The following CSMD1 variants were observed in gnomAD, a reference collection of about 807,000 sequenced individuals.
CSMD1 encodes CUB and sushi domain-containing protein 1.
CSMD1 carries 213 observed loss-of-function variants against 417.5 expected under a neutral mutation model. That is an observed-to-expected ratio of 0.51 (90% CI 0.46 to 0.57). The LOEUF is 0.57. CSMD1 is among the 20% of genes least tolerant of loss of function. CSMD1 has a pLI of 0.00. For synonymous variants in CSMD1, 2,862 were observed against 1,736.8 expected, an observed-to-expected ratio of 1.65 and a Z score of -16.11; for missense variants, 6,923 against 4,529.7, an observed-to-expected ratio of 1.53 and a Z score of -15.17.
intron 3 of CSMD1, among the ~76,000 whole-genome samples, chr8:4,197,977 A>C (rs534629055): frequency 9.2e-5 from 14 of 152,216 alleles, no homozygotes; most frequent in Non-Finnish European, 1.9e-4. Context: ...CTCTGGGAAT[A>C]AAGTAATGAA....
At chr8:4,933,237 T>C (rs1413518535) in intron 1 of CSMD1, among the ~76,000 whole-genome samples, 2 of 152,132 alleles carry the variant, frequency 1.3e-5, no homozygotes, top group South Asian at 2.1e-4. Context: ...CCACTAAGTA[T>C]GATATGACGG....
At chr8:4,824,484 A>G (rs1799702075) in intron 1 of CSMD1, among the ~76,000 whole-genome samples, 1 of 152,134 alleles carries the variant, frequency 6.6e-6, no homozygotes, top group Admixed American at 6.6e-5. Context: ...AAAGAAATAG[A>G]ATGGTTTTTA....
intron 1 of CSMD1, chr8:4,788,263 G>T (rs1028818126): frequency 1.3e-6 from 2 of 1,589,088 alleles, no homozygotes; most frequent in African/African-American, 2.7e-5. Context: ...GAGTATGAAA[G>T]GGATGGCATT....
chr8:3,160,964 C>T (rs187269057), intron 38 of CSMD1, among the ~76,000 whole-genome samples: 255 of 152,260 alleles, frequency 1.7e-3, no homozygotes, highest in African/African-American at 5.8e-3. Flanking sequence ...TGTTATTTCA[C>T]GGCTGTAGTG....
chr8:3,961,537 A>G (rs1010632444), intron 5 of CSMD1, among the ~76,000 whole-genome samples: 7 of 152,214 alleles, frequency 4.6e-5, no homozygotes, highest in African/African-American at 1.4e-4. Context: ...AGACAATAGG[A>G]AATCTATCCT....
intron 3 of CSMD1, among the ~76,000 whole-genome samples, chr8:4,150,933 C>T (rs1412079685): frequency 2.0e-5 from 3 of 152,190 alleles, no homozygotes; most frequent in African/African-American, 4.8e-5. Context: ...GCTTTAATTA[C>T]AGTCTGCAAC....
intron 1 of CSMD1, among the ~76,000 whole-genome samples, chr8:4,831,084 G>C (rs1165608349): frequency 6.6e-6 from 1 of 152,150 alleles, no homozygotes; most frequent in Non-Finnish European, 1.5e-5. Context: ...AAGTGGGAGG[G>C]ATGTTTTTTC....
At chr8:4,833,362 A>C (rs570800479) in intron 1 of CSMD1, among the ~76,000 whole-genome samples, 1 of 152,144 alleles carries the variant, frequency 6.6e-6, no homozygotes, top group South Asian at 2.1e-4. Context: ...GAAGTGCTAC[A>C]CACTTTCAGA....
intron 3 of CSMD1, among the ~76,000 whole-genome samples, chr8:4,101,338 A>C (rs1242673014): frequency 2.6e-5 from 4 of 152,146 alleles, no homozygotes; most frequent in Non-Finnish European, 5.9e-5. Flanking sequence ...AGACAGTGCA[A>C]ATGGGCAGCC....
chr8:4,562,191 G>C (rs1008652100), intron 2 of CSMD1, among the ~76,000 whole-genome samples: 4 of 152,308 alleles, frequency 2.6e-5, no homozygotes, highest in South Asian at 2.1e-4. Flanking sequence ...GAAGAAACTA[G>C]AAACAGACAC....
chr8:3,260,067 G>T (rs187182386), intron 26 of CSMD1, among the ~76,000 whole-genome samples: 278 of 152,182 alleles, frequency 1.8e-3, no homozygotes, highest in Non-Finnish European at 3.7e-3. Flanking sequence ...CTATAATTAT[G>T]AAATAATTTT....
intron 2 of CSMD1, among the ~76,000 whole-genome samples, chr8:4,462,979 G>A (rs1198290829): frequency 6.6e-6 from 1 of 152,120 alleles, no homozygotes; most frequent in African/African-American, 2.4e-5. Context: ...TTTAAACTTT[G>A]TATTTCAAAA....
chr8:3,331,381 C>T (rs1443613266), intron 23 of CSMD1, among the ~76,000 whole-genome samples: 2 of 152,122 alleles, frequency 1.3e-5, no homozygotes, highest in Non-Finnish European at 2.9e-5. Flanking sequence ...TGTTTGCTAA[C>T]AGTGGCCATG....
intron 11 of CSMD1, among the ~76,000 whole-genome samples, chr8:3,476,437 C>T (rs1462502340): frequency 2.0e-5 from 3 of 152,064 alleles, no homozygotes; most frequent in Non-Finnish European, 4.4e-5. Flanking sequence ...TAAAATTTTT[C>T]TAGGGTAAAT....
At position 3,900,542 on chromosome 8, in the gene CSMD1, G is replaced by A. The variant is rs372077743; in HGVS notation, c.818+97361C>T. Among the ~76,000 whole-genome samples, 11 of 140,898 alleles carry A rather than the reference G, an allele frequency of 7.8e-5. 2 individuals carry two copies. The highest frequency in any genetic ancestry group is 6.7e-4 in the Admixed American group (10 of 14,848). The allele number at this position is 140,898 out of a possible 152,430, so 92.4% of individuals were successfully genotyped here. A position where few individuals can be genotyped will look rare whatever the true frequency, so the allele number is the denominator to read the frequency against. On this transcript the variant is annotated intron_variant, in intron 5 of 69. Transcript: ENST00000635120. ...GACACTACAGCTGGGTGACAGTGAA[G>A]CTAGGTGACAGTGCAGATGGGTGAT...
intron 18 of CSMD1, among the ~76,000 whole-genome samples, chr8:3,378,937 G>C (rs1188869908): frequency 2.0e-5 from 3 of 152,168 alleles, no homozygotes; most frequent in African/African-American, 4.8e-5. Context: ...CATTCAAATA[G>C]GAAGAGATGA....
intron 3 of CSMD1, among the ~76,000 whole-genome samples, chr8:4,312,560 T>C (rs1277314378): frequency 6.6e-6 from 1 of 151,482 alleles, no homozygotes; most frequent in Non-Finnish European, 1.5e-5. Flanking sequence ...CTCACAGTCG[T>C]TCTATTTATG....
intron 3 of CSMD1, among the ~76,000 whole-genome samples, chr8:4,390,569 A>G (rs537951633): frequency 1.5e-5 from 2 of 137,740 alleles, no homozygotes; most frequent in Non-Finnish European, 3.2e-5. Flanking sequence ...GCTGGAGTGC[A>G]GTGGTGCGAT....
chr8:4,293,301 C>G (rs554504823), intron 3 of CSMD1, among the ~76,000 whole-genome samples: 2 of 152,118 alleles, frequency 1.3e-5, no homozygotes, highest in Non-Finnish European at 2.9e-5. Flanking sequence ...AATTGGCCAG[C>G]ACAATGAGAA....
Sources: gnomAD v4.1 joint callset for allele counts (sites outside exome capture counted in the v4.1 genomes callset) on GRCh38, gnomAD v4.1.1 for gene constraint, MANE v1.5 for transcripts, NCBI Gene and HGNC (gene_info 2026-07-23, HGNC 2026-07-21) for gene names.